The following EIF2AK1 variants were observed in gnomAD, a reference collection of about 807,000 sequenced individuals.
The protein encoded by EIF2AK1 is eukaryotic translation initiation factor 2 alpha kinase 1.
In EIF2AK1, 54 loss-of-function variants were observed where a neutral mutation model predicts 77.9. That is an observed-to-expected ratio of 0.69 (90% CI 0.56 to 0.87). The LOEUF is 0.87. Ranked by LOEUF, EIF2AK1 falls within the 40% of genes least tolerant of loss-of-function variation. EIF2AK1 has a pLI of 0.00. For synonymous variants in EIF2AK1, 314 were observed against 290.5 expected (o/e 1.08, Z -0.82); for missense variants, 810 against 768.6 (o/e 1.05, Z -0.64).
chr7:6,031,666 G>A, intron 11 of EIF2AK1: 1 of 1,434,362 alleles, frequency 7.0e-7, no homozygotes, highest in Non-Finnish European at 9.5e-7. Flanking sequence ...TAAAGCTGGT[G>A]AACCCACTAA....
intron 5 of EIF2AK1, 143 bp from the exon 6 acceptor site, chr7:6,046,294 G>C (rs770910389): frequency 2.5e-5 from 11 of 438,502 alleles, no homozygotes; most frequent in Non-Finnish European, 4.0e-5. Flanking sequence ...ACTATGTTCA[G>C]GGAAGTCAGC....
chr7:6,057,126 CTTTT>C (rs34958065), intron 1 of EIF2AK1, among the ~76,000 whole-genome samples: 15 of 90,722 alleles, frequency 1.7e-4, no homozygotes, highest in Middle Eastern at 6.3e-3. Flanking sequence ...GACCCCATCT[CTTTT>C]TTTTTTTTTT....
intron 9 of EIF2AK1, among the ~76,000 whole-genome samples, chr7:6,040,047 T>C (rs2128888941): frequency 6.6e-6 from 1 of 152,302 alleles, no homozygotes; most frequent in South Asian, 2.1e-4. Flanking sequence ...AGACAGATTA[T>C]GTGTAGACCC....
chr7:6,050,602 CTTTTTTT>C (rs576925022), intron 2 of EIF2AK1, among the ~76,000 whole-genome samples: 1 of 133,000 alleles, frequency 7.5e-6, no homozygotes, highest in Non-Finnish European at 1.6e-5. Context: ...AATTACTTCT[CTTTTTTT>C]TTTTTTTTTT....
At chr7:6,044,750 T>C in intron 6 of EIF2AK1, 89 bp from the exon 7 acceptor site, 1 of 1,097,724 alleles carries the variant, frequency 9.1e-7, no homozygotes. Flanking sequence ...AAAATACAGA[T>C]GGCCCCTGAC....
chr7:6,046,185 G>A (rs766342468), intron 5 of EIF2AK1, 34 bp from the exon 6 acceptor site: 1 of 1,241,790 alleles, frequency 8.1e-7, no homozygotes, highest in Admixed American at 2.6e-5. Context: ...AGTATATTGT[G>A]TCATTAAACT....
chr7:6,026,276 G>A (rs369901171), intron 14 of EIF2AK1, among the ~76,000 whole-genome samples: 1 of 151,900 alleles, frequency 6.6e-6, no homozygotes, highest in Non-Finnish European at 1.5e-5. Flanking sequence ...TGAGCCCCCG[G>A]CAGACATACA....
chr7:6,031,062 CCT>C (rs1787896003), intron 11 of EIF2AK1, among the ~76,000 whole-genome samples: 6 of 152,078 alleles, frequency 3.9e-5, no homozygotes, highest in Admixed American at 2.6e-4. Flanking sequence ...TGTATAAATT[CCT>C]CTGTTTTAGC....
In EIF2AK1 at chr7:6,027,875, G is replaced by T. The variant is rs1372736262; in HGVS notation, c.1530+740C>A. The stretch of plus-strand genomic sequence containing the variant: ...AGGCCAGGAGTTTGAGACCAACCTG[G>T]ACAAAGCAAGACCCATCTCTACAAA... On this transcript the variant is annotated intron_variant, in intron 13 of 14. Transcript: ENST00000199389. The surrounding 1 kb of genome is among the most constrained non-coding windows in gnomAD (Gnocchi z 4.5). 2.3e-6 allele frequency: 1 copy of T among 426,170 alleles called. No individual in the cohort carries two copies. Among genetic ancestry groups the T allele is most frequent in the Non-Finnish European group, 4.7e-6 (1 of 214,382 alleles). The allele number at this position is 426,170 out of a possible 1,614,324, so 26.4% of individuals were successfully genotyped here. A position where few individuals can be genotyped will look rare whatever the true frequency, so the allele number is the denominator to read the frequency against.
chr7:6,058,814 C>A, intron 1 of EIF2AK1, 152 bp downstream of exon 1: 3 of 569,836 alleles, frequency 5.3e-6, no homozygotes, highest in South Asian at 2.6e-5. Flanking sequence ...CCCGCCGCCC[C>A]CCCTCGCACT....
intron 8 of EIF2AK1, among the ~76,000 whole-genome samples, chr7:6,041,690 A>C (rs1380032691): frequency 6.6e-6 from 1 of 151,988 alleles, no homozygotes; most frequent in Non-Finnish European, 1.5e-5. Context: ...AAAATACAAA[A>C]ATTGGCCGGG....
Position 6,041,137 on chromosome 7 carries a change from A to G in EIF2AK1, c.874T>C (p.Phe292Leu), listed in dbSNP as rs55982710. Residue 292 changes from phenylalanine (F) to leucine (L), a missense_variant, in exon 9 of 15, where the codon TTT (phenylalanine) becomes CTT (leucine). Coordinates refer to ENST00000199389, the MANE Select transcript of EIF2AK1 (RefSeq NM_014413.4). ...TGATTTTCAGTGTCAGATTCTCCAA[A>G]GCGTTTTTCTTTTTCTGGGGTGGGC... Reference protein sequence around the residue: ...AEPTPEKEKRFGESDTENQNN... With the variant: ...AEPTPEKEKRLGESDTENQNN... 1.2e-6 allele frequency: 2 copies of G among 1,614,052 alleles called. No homozygotes were observed. The highest frequency in any genetic ancestry group is 1.7e-6 in the Non-Finnish European group (2 of 1,180,014).
intron 7 of EIF2AK1, among the ~76,000 whole-genome samples, chr7:6,043,558 A>T (rs984300876): frequency 2.0e-5 from 3 of 151,938 alleles, no homozygotes. Context: ...CCTCCCGAGT[A>T]GCCGGGACTA....
rs1189660179 is a variant in EIF2AK1, at chr7:6,035,717, T to C, written c.1332+1707A>G. 5.8e-6 allele frequency: 9 copies of C among 1,550,844 alleles called. No individual in the cohort carries two copies. Among genetic ancestry groups the C allele is most frequent in the East Asian group, 4.9e-5 (2 of 40,934 alleles). ...CCCAAAATGGTGCCGATGTCAATGC[T>C]ATTAATGAAGCCAGCATGACACCCC... On this transcript the variant is annotated intron_variant, in intron 11 of 14. Coordinates refer to ENST00000199389, the MANE Select transcript of EIF2AK1 (RefSeq NM_014413.4). The surrounding 1 kb of genome is among the most constrained non-coding windows in gnomAD (Gnocchi z 5.5).
intron 9 of EIF2AK1, among the ~76,000 whole-genome samples, chr7:6,040,209 C>T (rs555640622): frequency 7.2e-5 from 11 of 152,102 alleles, no homozygotes; most frequent in South Asian, 4.2e-4. Context: ...CACAGCATCG[C>T]GCCTGGCTAA....
chr7:6,036,420 T>G lies in EIF2AK1; in HGVS notation c.1332+1004A>C. On this transcript the variant is annotated intron_variant, in intron 11 of 14. Coordinates refer to ENST00000199389, the MANE Select transcript of EIF2AK1 (RefSeq NM_014413.4). The surrounding 1 kb of genome is among the most constrained non-coding windows in gnomAD (Gnocchi z 4.6). ...CTCCCAGTTTCACAGCAGAGGGACTTTCAGCCACTCAAACTGCATTTTCTG... is the reference window on the plus strand; with the variant it reads ...CTCCCAGTTTCACAGCAGAGGGACTGTCAGCCACTCAAACTGCATTTTCTG... 1.4e-6 allele frequency: 2 copies of G among 1,415,188 alleles called. No homozygotes were observed. Among genetic ancestry groups the G allele is most frequent in the Non-Finnish European group, 1.9e-6 (2 of 1,080,944 alleles). 87.7% of individuals were successfully genotyped at this position (1,415,188 alleles called of 1,614,324 possible). A position where few individuals can be genotyped will look rare whatever the true frequency, so the allele number is the denominator to read the frequency against.
intron 10 of EIF2AK1, 51 bp downstream of exon 10, chr7:6,038,509 A>G: frequency 7.3e-7 from 1 of 1,369,058 alleles, no homozygotes; most frequent in South Asian, 1.3e-5. Flanking sequence ...TGAGATGGGG[A>G]AGGTGTGACT....
chr7:6,024,203 G>C lies in EIF2AK1; in HGVS notation c.*470C>G. 1 of 1,240,846 alleles carries C rather than the reference G, an allele frequency of 8.1e-7. No individual in the cohort carries two copies. Among genetic ancestry groups the C allele is most frequent in the Non-Finnish European group, 1.0e-6 (1 of 965,436 alleles). The allele number at this position is 1,240,846 out of a possible 1,614,324, so 76.9% of individuals were successfully genotyped here. Reference sequence around the variant, plus strand: ...AGCTTTTATCTTAGAGGCAGCAGAAGGTTTGGAGCCAAGGAATGAAATGAT... The same window carrying C: ...AGCTTTTATCTTAGAGGCAGCAGAACGTTTGGAGCCAAGGAATGAAATGAT... On this transcript the variant is annotated 3_prime_UTR_variant, in exon 15 of 15. Transcript: ENST00000199389.
At chr7:6,028,237 A>G (rs1466010722) in intron 13 of EIF2AK1, among the ~76,000 whole-genome samples, 1 of 144,460 alleles carries the variant, frequency 6.9e-6, no homozygotes, top group Non-Finnish European at 1.5e-5. Context: ...GAGCTTCTGC[A>G]TTTCATTGTA....
Sources: gnomAD v4.1 joint callset for allele counts (sites outside exome capture counted in the v4.1 genomes callset) on GRCh38, gnomAD v4.1.1 for gene constraint, Gnocchi (gnomAD v3.1) non-coding constraint, MANE v1.5 for transcripts, NCBI Gene and HGNC (gene_info 2026-07-23, HGNC 2026-07-21) for gene names.